WDR19: variants seen among roughly 807,000 people sequenced by gnomAD.
WDR19 encodes WD repeat-containing protein 19.
WDR19 carries 121 observed loss-of-function variants against 180.0 expected under a neutral mutation model. The ratio of observed to expected loss-of-function variants is 0.67; its 90% confidence interval spans 0.58 to 0.78. WDR19 has a LOEUF of 0.78. WDR19 is among the 30% of genes least tolerant of loss of function. The pLI is 0.00. For missense variants in WDR19, 1,450 were observed against 1,640.7 expected, an observed-to-expected ratio of 0.88 and a Z score of 2.01; for synonymous variants, 497 against 540.7, an observed-to-expected ratio of 0.92 and a Z score of 1.12.
chr4:39,250,060 C>G (rs1456298979), intron 24 of WDR19, among the ~76,000 whole-genome samples: 1 of 152,106 alleles, frequency 6.6e-6, no homozygotes, highest in Non-Finnish European at 1.5e-5. Flanking sequence ...AATTTTAGAC[C>G]AATATCCTTG....
chr4:39,258,183 C>T (rs940279958), intron 28 of WDR19, among the ~76,000 whole-genome samples: 4 of 150,950 alleles, frequency 2.6e-5, no homozygotes, highest in African/African-American at 4.9e-5. Context: ...GACAGAGTTT[C>T]GCTCTTTTGC....
intron 13 of WDR19, 54 bp downstream of exon 13, chr4:39,217,294 A>G: frequency 7.5e-7 from 1 of 1,337,278 alleles, no homozygotes; most frequent in Non-Finnish European, 1.0e-6. Flanking sequence ...GAACAGCCTA[A>G]TGTCTGATTA....
chr4:39,241,006 T>C, intron 21 of WDR19, among the ~76,000 whole-genome samples: 1 of 150,154 alleles, frequency 6.7e-6, no homozygotes, highest in African/African-American at 2.4e-5. Flanking sequence ...GAATTTCCAA[T>C]CCGTAAAACT....
At chr4:39,234,131 C>T (rs895146728) in intron 19 of WDR19, among the ~76,000 whole-genome samples, 6 of 152,106 alleles carry the variant, frequency 3.9e-5, no homozygotes, top group African/African-American at 1.4e-4. Flanking sequence ...AGCTAATCCC[C>T]TAGAACAGTA....
intron 3 of WDR19, among the ~76,000 whole-genome samples, chr4:39,188,065 A>T (rs1725744129): frequency 6.6e-6 from 1 of 152,228 alleles, no homozygotes; most frequent in South Asian, 2.1e-4. Flanking sequence ...TTAATACCCA[A>T]GAATGAAAAA....
intron 25 of WDR19, 94 bp downstream of exon 25, chr4:39,253,386 ATATT>A: frequency 7.4e-7 from 1 of 1,356,470 alleles, no homozygotes; most frequent in Admixed American, 2.7e-5. Flanking sequence ...TTCAAAAGGA[ATATT>A]TAGTCTTTAT....
chr4:39,192,868 C>T (rs1162885844), intron 4 of WDR19, among the ~76,000 whole-genome samples: 1 of 152,146 alleles, frequency 6.6e-6, no homozygotes, highest in African/African-American at 2.4e-5. Context: ...ATGGGCCCAG[C>T]AGTTATCCCT....
At chr4:39,248,759 G>T (rs1732807662) in intron 24 of WDR19, among the ~76,000 whole-genome samples, 2 of 152,162 alleles carry the variant, frequency 1.3e-5, no homozygotes, top group South Asian at 2.1e-4. Flanking sequence ...GACAAAGAAG[G>T]CCATTACATA....
chr4:39,270,500 C>T (rs896286080), intron 31 of WDR19, among the ~76,000 whole-genome samples: 6 of 152,058 alleles, frequency 3.9e-5, no homozygotes, highest in African/African-American at 1.4e-4. Flanking sequence ...CTCAGCCTTC[C>T]AAGTAGCTGG....
Position 39,182,567 on chromosome 4 carries a change from A to G in WDR19, c.6+4A>G. On this transcript the variant is annotated splice_donor_region_variant and intron_variant, in intron 1 of 36. Transcript: ENST00000399820. ...CGGCTCGAGCGTGGAGATGAAGGTA[A>G]ATAACTTACAAATTCCCGGGGTGGG... 6.2e-7 allele frequency: 1 copy of G among 1,613,278 alleles called. No individual in the cohort carries two copies. The highest frequency in any genetic ancestry group is 1.1e-5 in the South Asian group (1 of 90,560).
intron 21 of WDR19, among the ~76,000 whole-genome samples, chr4:39,240,673 T>C (rs538524069): frequency 1.3e-5 from 2 of 152,168 alleles, no homozygotes; most frequent in Non-Finnish European, 2.9e-5. Context: ...TTCAGTAGGC[T>C]GGACGCGGTG....
intron 29 of WDR19, among the ~76,000 whole-genome samples, chr4:39,266,644 G>A (rs1299376342): frequency 6.6e-6 from 1 of 152,134 alleles, no homozygotes; most frequent in Admixed American, 6.5e-5. Context: ...GTTTATTCTA[G>A]GAACTATGAA....
At chr4:39,214,748 A>T in intron 10 of WDR19, 77 bp downstream of exon 10, 2 of 870,034 alleles carry the variant, frequency 2.3e-6, no homozygotes, top group Non-Finnish European at 3.6e-6. Context: ...TTATCGTGTG[A>T]TTTGCATTCG....
chr4:39,240,177 TAAAAAAAAAAA>T, intron 20 of WDR19, 89 bp from the exon 21 acceptor site: 4 of 146,094 alleles, frequency 2.7e-5, no homozygotes, highest in South Asian at 3.1e-4. Flanking sequence ...ACCCTGTCTC[TAAAAAAAAAAA>T]AAAAAAAAAA....
At chr4:39,186,824 G>A (rs1336066165) in intron 3 of WDR19, among the ~76,000 whole-genome samples, 2 of 152,194 alleles carry the variant, frequency 1.3e-5, no homozygotes, top group South Asian at 2.1e-4. Context: ...GAAGCCTTAC[G>A]GCAGGATTAT....
chr4:39,262,957 G>A (rs187935636), intron 28 of WDR19, among the ~76,000 whole-genome samples: 223 of 151,988 alleles, frequency 1.5e-3, no homozygotes, highest in Middle Eastern at 3.4e-3. Flanking sequence ...ACTTTTACTC[G>A]TGACTTGCAT....
intron 20 of WDR19, 144 bp from the exon 21 acceptor site, chr4:39,240,133 T>A (rs1731765239): frequency 3.4e-6 from 1 of 294,668 alleles, no homozygotes; most frequent in Non-Finnish European, 5.5e-6. Flanking sequence ...GTTGTAATTG[T>A]GCCACTGCAC....
At chr4:39,284,522 A>T (rs1232417678) in intron 36 of WDR19, among the ~76,000 whole-genome samples, 3 of 97,890 alleles carry the variant, frequency 3.1e-5, no homozygotes, top group Non-Finnish European at 5.8e-5. Flanking sequence ...TCTTTTTTTT[A>T]GACATGGGGT....
At chr4:39,244,807 T>C (rs1443268935) in intron 23 of WDR19, among the ~76,000 whole-genome samples, 3 of 152,202 alleles carry the variant, frequency 2.0e-5, no homozygotes, top group Non-Finnish European at 4.4e-5. Flanking sequence ...AAAACCCTGT[T>C]GTCCTAAAAG....
Sources: gnomAD v4.1 joint callset for allele counts (sites outside exome capture counted in the v4.1 genomes callset) on GRCh38, gnomAD v4.1.1 for gene constraint, MANE v1.5 for transcripts, NCBI Gene and HGNC (gene_info 2026-07-23, HGNC 2026-07-21) for gene names.